ASMTL: variants seen among roughly 807,000 people sequenced by gnomAD.
ASMTL encodes acetylserotonin O-methyltransferase like.
In ASMTL, 57 loss-of-function variants were observed where a neutral mutation model predicts 60.3. That is an observed-to-expected ratio of 0.95 (90% CI 0.76 to 1.18). The LOEUF (loss-of-function observed/expected upper bound fraction) is 1.18, where lower values mean the gene tolerates loss of function less well. Ranked by LOEUF, ASMTL falls within the 50% of genes most tolerant of loss-of-function variation. The pLI, the probability that ASMTL is intolerant of heterozygous loss-of-function variation, is 0.00. For synonymous variants in ASMTL, 419 were observed against 373.0 expected (o/e 1.12, Z -1.42); for missense variants, 981 against 852.6 (o/e 1.15, Z -1.88).
intron 9 of ASMTL, among the ~76,000 whole-genome samples, chrX:1,420,162 CCT>C (rs2090440532): frequency 6.6e-6 from 1 of 151,390 alleles, no homozygotes; most frequent in African/African-American, 2.4e-5. Context: ...TTTCTGTCTC[CCT>C]ATCTCTGTCT....
At chrX:1,443,793 C>CCCATCGTGGACAGACA in intron 1 of ASMTL, among the ~76,000 whole-genome samples, 1 of 140,750 alleles carries the variant, frequency 7.1e-6, no homozygotes, top group Non-Finnish European at 1.6e-5. Context: ...GACACACACC[C>CCCATCGTGGACAGACA]CCATCGTGGA....
At chrX:1,430,716 G>C (rs1270094766) in intron 6 of ASMTL, among the ~76,000 whole-genome samples, 3 of 149,662 alleles carry the variant, frequency 2.0e-5, no homozygotes, top group Non-Finnish European at 4.4e-5. Context: ...ACGCTGCAGT[G>C]AGCTATGACT....
At position 1,433,414 on chromosome X, in the gene ASMTL, C is replaced by G. The variant is rs746046066; in HGVS notation, c.401-1037G>C. ...CGCGCGGTGGCTCACGCCTGTCATC[C>G]CAGCACTTTGGGAGGCCGAGGCGGG... On this transcript the variant is annotated intron_variant, in intron 5 of 12. Coordinates refer to ENST00000381317, the MANE Select transcript of ASMTL (RefSeq NM_004192.4). 6.3e-4 allele frequency among the ~76,000 whole-genome samples: 95 copies of G among 150,252 alleles called. 1 individual carries two copies. The highest frequency in any genetic ancestry group is 3.8e-3 in the South Asian group (18 of 4,724).
chrX:1,433,604 C>T (rs1404719053), intron 5 of ASMTL, among the ~76,000 whole-genome samples: 12 of 151,368 alleles, frequency 7.9e-5, no homozygotes, highest in African/African-American at 2.4e-4. Flanking sequence ...GGCGTGAACC[C>T]GGGAGGCGGA....
In ASMTL at chrX:1,421,479, G is replaced by C. The variant is rs2090482718; in HGVS notation, c.1245+179C>G. Among the ~76,000 whole-genome samples, 3 of 152,152 alleles carry C rather than the reference G, an allele frequency of 2.0e-5. No homozygotes were observed. The South Asian group carries it at 6.2e-4, about 32-fold the overall frequency. ...AGTGGAGGATGTCTAAGTTGCACCTGTTCCAGGGCTGAGTGACACAAGAGC... is the reference window on the plus strand; with the variant it reads ...AGTGGAGGATGTCTAAGTTGCACCTCTTCCAGGGCTGAGTGACACAAGAGC... On this transcript the variant is annotated intron_variant, in intron 9 of 12. Coordinates refer to ENST00000381317, the MANE Select transcript of ASMTL (RefSeq NM_004192.4).
Position 1,418,134 on chromosome X carries a change from C to T in ASMTL, c.1379-18G>A. ...CGTGCAGCCTGCGGGGAAGCAAATG[C>T]ATGCTCTGTGGCTGGGTCGTCTATG... is the stretch of plus-strand genomic sequence containing the variant. On this transcript the variant is annotated intron_variant, in intron 10 of 12. Transcript: ENST00000381317. 2 of 1,580,416 alleles carry T rather than the reference C, an allele frequency of 1.3e-6. No homozygotes were observed. Among genetic ancestry groups the T allele is most frequent in the South Asian group, 1.1e-5 (1 of 87,334 alleles).
At chrX:1,422,158 T>G (rs2090499871) in intron 8 of ASMTL, among the ~76,000 whole-genome samples, 1 of 152,174 alleles carries the variant, frequency 6.6e-6, no homozygotes. Flanking sequence ...CACGCTCAAG[T>G]TCCCAGTTAT....
At chrX:1,432,056 C>G (rs773991233) in intron 6 of ASMTL, 1 of 595,952 alleles carries the variant, frequency 1.7e-6, no homozygotes, top group African/African-American at 1.9e-5. Context: ...CCACCCTGCC[C>G]CTCTCTGTCC....
In ASMTL at chrX:1,417,960, G is replaced by A. The variant is rs2090356688; in HGVS notation, c.1522+13C>T. 6.2e-7 allele frequency: 1 copy of A among 1,600,594 alleles called. No individual in the cohort carries two copies. Among genetic ancestry groups the A allele is most frequent in the Non-Finnish European group, 8.5e-7 (1 of 1,170,972 alleles). On this transcript the variant is annotated intron_variant, in intron 11 of 12. Transcript: ENST00000381317. ...TGGAAAAGGTTAGCAGGGTGAACAG[G>A]AGGAGGGCTCACCTGCTGCGAAGTG...
intron 1 of ASMTL, among the ~76,000 whole-genome samples, chrX:1,443,377 CAT>C: frequency 4.1e-5 from 2 of 49,076 alleles, no homozygotes; most frequent in Non-Finnish European, 1.4e-4. Context: ...ACACCACCAT[CAT>C]GGACACACGC....
At chrX:1,416,368 C>G (rs193106738) in intron 11 of ASMTL, among the ~76,000 whole-genome samples, 5,428 of 116,198 alleles carry the variant, frequency 0.047, 413 homozygotes, top group Middle Eastern at 0.083. Context: ...CACACAGACG[C>G]AGACATGCAC....
At chrX:1,425,805 T>A in intron 7 of ASMTL, 118 bp from the exon 8 acceptor site, 1 of 1,001,290 alleles carries the variant, frequency 1.0e-6, no homozygotes, top group Non-Finnish European at 1.5e-6. Context: ...CCATTGAGCC[T>A]TCTTTCACAG....
upstream of ASMTL, chrX:1,452,995 A>G: frequency 1.7e-6 from 1 of 577,996 alleles, no homozygotes. Flanking sequence ...CCGCGCCTTC[A>G]GTGGCCTCCC....
At chrX:1,448,155 T>C (rs1479249027) in intron 1 of ASMTL, among the ~76,000 whole-genome samples, 1 of 127,426 alleles carries the variant, frequency 7.8e-6, no homozygotes, top group African/African-American at 3.0e-5. Context: ...CCATCTTGGA[T>C]AAGCACCACC....
chrX:1,418,339 G>A (rs2090373689), intron 10 of ASMTL, among the ~76,000 whole-genome samples: 3 of 151,934 alleles, frequency 2.0e-5, no homozygotes, highest in African/African-American at 7.3e-5. Flanking sequence ...CAGCCCAGGG[G>A]TGGAGGGCTG....
At position 1,447,908 on chromosome X, in the gene ASMTL, G is replaced by A. The variant is rs770747905; in HGVS notation, c.93+4840C>T. Among the ~76,000 whole-genome samples the A allele has an allele frequency of 1.5e-3, 205 of 132,500 alleles. 2 individuals carry two copies. Among genetic ancestry groups the A allele is most frequent in the Admixed American group, 2.0e-3 (25 of 12,500 alleles). The allele number at this position is 132,500 out of a possible 152,430, so 86.9% of individuals were successfully genotyped here. A position where few individuals can be genotyped will look rare whatever the true frequency, so the allele number is the denominator to read the frequency against. On this transcript the variant is annotated intron_variant, in intron 1 of 12. Coordinates refer to ENST00000381317, the MANE Select transcript of ASMTL (RefSeq NM_004192.4). ...CATAACACCATCTTGGACAAGCACC[G>A]CCATCTTGGACACACCGCCATCTTG... is the stretch of plus-strand genomic sequence containing the variant.
intron 8 of ASMTL, among the ~76,000 whole-genome samples, chrX:1,423,446 C>T (rs1465693989): frequency 6.6e-6 from 1 of 152,092 alleles, no homozygotes; most frequent in Non-Finnish European, 1.5e-5. Flanking sequence ...TTGTCCTGCC[C>T]TTCCCAGGCT....
At chrX:1,415,851 G>A (rs2090226412) in intron 11 of ASMTL, among the ~76,000 whole-genome samples, 1 of 152,066 alleles carries the variant, frequency 6.6e-6, no homozygotes, top group Non-Finnish European at 1.5e-5. Context: ...CACAGACACA[G>A]ACACAGGCAC....
At chrX:1,424,577 C>T (rs2090564323) in intron 8 of ASMTL, among the ~76,000 whole-genome samples, 3 of 151,336 alleles carry the variant, frequency 2.0e-5, no homozygotes, top group Admixed American at 6.6e-5. Context: ...TCCATCCATC[C>T]ATCCAGCCAC....
Sources: gnomAD v4.1 joint callset for allele counts (sites outside exome capture counted in the v4.1 genomes callset) on GRCh38, gnomAD v4.1.1 for gene constraint, MANE v1.5 for transcripts, NCBI Gene and HGNC (gene_info 2026-07-23, HGNC 2026-07-21) for gene names.